Variants in DENND1B observed in about 807,000 individuals in gnomAD.
DENND1B encodes DENN domain containing 1B.
In DENND1B, 59 loss-of-function variants were observed where a neutral mutation model predicts 90.1. The observed-to-expected ratio is 0.65, with a 90% CI of 0.53 to 0.81. DENND1B has a LOEUF of 0.81. DENND1B is among the 40% of genes least tolerant of loss of function. The pLI is 0.00. For synonymous variants in DENND1B, 337 were observed against 324.6 expected (o/e 1.04, Z -0.41); for missense variants, 862 against 912.6 (o/e 0.94, Z 0.71).
intron 14 of DENND1B, among the ~76,000 whole-genome samples, chr1:197,585,204 T>C (rs1425620740): frequency 6.6e-6 from 1 of 152,210 alleles, no homozygotes; most frequent in African/African-American, 2.4e-5. Context: ...ATAAATGTTT[T>C]ATGACTGAAT....
At chr1:197,628,907 C>T (rs1679054120) in intron 10 of DENND1B, among the ~76,000 whole-genome samples, 1 of 151,914 alleles carries the variant, frequency 6.6e-6, no homozygotes, top group South Asian at 2.1e-4. Context: ...ATTTATGCAG[C>T]CAAAAAACAC....
chr1:197,775,352 C>T lies in DENND1B; in HGVS notation c.-197G>A, dbSNP rs1180348518. ...CTTCCCCGCCTCCCACCCCACCCAC[C>T]AGAGCCTTTCTGTGACAGCAGCGGT... On this transcript the variant is annotated 5_prime_UTR_variant, in exon 1 of 23. Transcript: ENST00000620048. 2.8e-6 allele frequency: 1 copy of T among 355,528 alleles called. No homozygotes were observed. The highest frequency in any genetic ancestry group is 5.0e-6 in the Non-Finnish European group (1 of 200,664). The allele number at this position is 355,528 out of a possible 1,614,324, so 22.0% of individuals were successfully genotyped here.
intron 15 of DENND1B, among the ~76,000 whole-genome samples, chr1:197,562,665 A>G (rs527628759): frequency 6.6e-6 from 1 of 151,882 alleles, no homozygotes; most frequent in Non-Finnish European, 1.5e-5. Flanking sequence ...AGGCTTTCCT[A>G]TTCCCTAATT....
At position 197,537,339 on chromosome 1, in the gene DENND1B, T is replaced by C. The variant is rs1404438356; in HGVS notation, c.1515+2625A>G. 3.3e-5 allele frequency among the ~76,000 whole-genome samples: 5 copies of C among 152,152 alleles called. 1 individual carries two copies. In the South Asian group the frequency reaches 8.3e-4, roughly 25 times the overall value. On this transcript the variant is annotated intron_variant, in intron 20 of 22. Transcript: ENST00000620048. ...TTATAATTATTGCTGTCATGTCTAC[T>C]GTAAACCATAAAATGCTAATCAATG...
chr1:197,707,693 T>C (rs984204840), intron 3 of DENND1B, among the ~76,000 whole-genome samples: 1 of 146,762 alleles, frequency 6.8e-6, no homozygotes, highest in East Asian at 1.9e-4. Flanking sequence ...TATAATATAA[T>C]ATAATTATTA....
intron 10 of DENND1B, among the ~76,000 whole-genome samples, chr1:197,638,367 C>A (rs1209783536): frequency 6.6e-6 from 1 of 152,202 alleles, no homozygotes; most frequent in Admixed American, 6.5e-5. Flanking sequence ...ATTCAGACAT[C>A]TGCTTTTAAA....
Position 197,599,768 on chromosome 1 carries a change from C to A in DENND1B, c.922-4435G>T, listed in dbSNP as rs7522037. Among the ~76,000 whole-genome samples the A allele has an allele frequency of 5.4e-3, 828 of 151,930 alleles. 11 individuals are homozygous for A. Among genetic ancestry groups the A allele is most frequent in the African/African-American group, 0.019 (773 of 41,500 alleles). ...CCTTTAACATTTATTAAATGAAAAG[C>A]ATATGATATACTTACCTACAGAGCA... On this transcript the variant is annotated intron_variant, in intron 13 of 22. Transcript: ENST00000620048.
intron 3 of DENND1B, among the ~76,000 whole-genome samples, chr1:197,678,898 CA>C (rs1383767251): frequency 6.6e-6 from 1 of 152,102 alleles, no homozygotes; most frequent in East Asian, 1.9e-4. Context: ...ACTGTCAGGA[CA>C]ACTATGCCCA....
chr1:197,525,643 CA>C (rs549685668), intron 20 of DENND1B, among the ~76,000 whole-genome samples: 3 of 151,812 alleles, frequency 2.0e-5, no homozygotes, highest in Non-Finnish European at 2.9e-5. Context: ...ATTATGTTTT[CA>C]AAAAATATAC....
intron 16 of DENND1B, 100 bp downstream of exon 16, chr1:197,552,922 T>A (rs1671362901): frequency 1.3e-6 from 2 of 1,524,742 alleles, no homozygotes; most frequent in East Asian, 5.1e-5. Flanking sequence ...TAGGAGGAAA[T>A]CATTAGTTGT....
intron 2 of DENND1B, among the ~76,000 whole-genome samples, chr1:197,733,409 C>T (rs1369676704): frequency 2.0e-5 from 3 of 152,172 alleles, no homozygotes; most frequent in African/African-American, 7.2e-5. Flanking sequence ...CTACCTTACC[C>T]AACACTTTTT....
rs114011290 is a variant in DENND1B, at chr1:197,695,357, C to T, written c.126+19674G>A. ...ATAGTGGTTGTATGTACAAAGAAGC[C>T]GATAGGAAATAATTGCTATTTTAGC... On this transcript the variant is annotated intron_variant, in intron 3 of 22. Coordinates refer to ENST00000620048, the MANE Select transcript of DENND1B (RefSeq NM_001195215.2). Among the ~76,000 whole-genome samples the T allele has an allele frequency of 7.3e-3, 1,090 of 150,316 alleles. 24 individuals carry two copies. The highest frequency in any genetic ancestry group is 0.025 in the African/African-American group (1,021 of 41,188).
intron 15 of DENND1B, among the ~76,000 whole-genome samples, chr1:197,572,518 T>A (rs951358198): frequency 2.6e-5 from 4 of 152,204 alleles, no homozygotes; most frequent in African/African-American, 9.7e-5. Context: ...AGCAGAAACT[T>A]CTGCAGACTT....
chr1:197,673,548 G>GT (rs1229343351), intron 4 of DENND1B, among the ~76,000 whole-genome samples: 1 of 152,074 alleles, frequency 6.6e-6, no homozygotes, highest in Non-Finnish European at 1.5e-5. Flanking sequence ...TCACAGGGCT[G>GT]TATGTTCCAA....
chr1:197,538,656 ATTT>A (rs67761711), intron 20 of DENND1B, among the ~76,000 whole-genome samples: 85 of 105,864 alleles, frequency 8.0e-4, no homozygotes, highest in South Asian at 2.5e-3. Flanking sequence ...AATTAATGGG[ATTT>A]TTTTTTTTTT....
rs1443777579 is a variant in DENND1B, at chr1:197,669,759, T to C, written c.296+2278A>G. On this transcript the variant is annotated intron_variant, in intron 5 of 22. Coordinates refer to ENST00000620048, the MANE Select transcript of DENND1B (RefSeq NM_001195215.2). ...AAGTTTTGACACCTCCTACTTCTTA[T>C]CTACCAAAAGCACTGTCAAATGACA... Among the ~76,000 whole-genome samples the C allele has an allele frequency of 3.9e-5, 6 of 152,108 alleles. No homozygotes were observed. In the East Asian group the frequency reaches 5.8e-4, roughly 15 times the overall value.
At chr1:197,650,223 T>C (rs939416737) in intron 7 of DENND1B, among the ~76,000 whole-genome samples, 1 of 152,216 alleles carries the variant, frequency 6.6e-6, no homozygotes, top group Non-Finnish European at 1.5e-5. Context: ...TCAGCCACCA[T>C]ATTATTTAGC....
chr1:197,612,154 T>C (rs184716096), intron 11 of DENND1B, among the ~76,000 whole-genome samples, 178 bp from the exon 12 acceptor site: 2 of 150,772 alleles, frequency 1.3e-5, no homozygotes, highest in Admixed American at 1.3e-4. Flanking sequence ...TTAGAGGCCA[T>C]TAATATATTT....
At position 197,595,441 on chromosome 1, in the gene DENND1B, C is replaced by T. The variant is rs1224887749; in HGVS notation, c.922-108G>A. On this transcript the variant is annotated intron_variant, in intron 13 of 22. Coordinates refer to ENST00000620048, the MANE Select transcript of DENND1B (RefSeq NM_001195215.2). ...AGTGTCTGTAGGTCAGCCAAAAATT[C>T]ATCCTCCTCCCTGATAGCTTATCTT... The T allele has an allele frequency of 3.0e-6, 4 of 1,334,826 alleles. No homozygotes were observed. In the African/African-American group the frequency reaches 6.0e-5, roughly 20 times the overall value. The allele number at this position is 1,334,826 out of a possible 1,614,324, so 82.7% of individuals were successfully genotyped here.
Sources: gnomAD v4.1 joint callset for allele counts (sites outside exome capture counted in the v4.1 genomes callset) on GRCh38, gnomAD v4.1.1 for gene constraint, MANE v1.5 for transcripts, NCBI Gene and HGNC (gene_info 2026-07-23, HGNC 2026-07-21) for gene names.